Variants in FAM162A observed in about 807,000 individuals in gnomAD.
FAM162A encodes the protein protein FAM162A.
A neutral mutation model predicts 21.8 loss-of-function variants in FAM162A; 23 were observed. That is an observed-to-expected ratio of 1.05 (90% CI 0.76 to 1.49). FAM162A has a LOEUF of 1.49. Ranked by LOEUF, FAM162A falls within the 40% of genes most tolerant of loss-of-function variation. FAM162A has a pLI of 0.00. For missense variants in FAM162A, 165 were observed against 186.4 expected (o/e 0.89, Z 0.67); for synonymous variants, 53 against 61.3 (o/e 0.86, Z 0.64).
At position 122,387,062 on chromosome 3, in the gene FAM162A, C is replaced by G. The variant is rs373620764; in HGVS notation, c.34+2763C>G. On this transcript the variant is annotated intron_variant, in intron 1 of 4. Coordinates refer to ENST00000477892, the MANE Select transcript of FAM162A (RefSeq NM_014367.4). ...TTTTGTTTTTACTCAGTCCTTACCA[C>G]TTATTGGTGTTCAGTTCATAGTAGA... Among the ~76,000 whole-genome samples the G allele has an allele frequency of 6.6e-5, 10 of 152,288 alleles. 1 individual carries two copies. Among genetic ancestry groups the G allele is most frequent in the East Asian group, 3.9e-4 (2 of 5,192 alleles).
chr3:122,399,497 G>A (rs767440042), intron 1 of FAM162A, among the ~76,000 whole-genome samples: 4 of 151,980 alleles, frequency 2.6e-5, no homozygotes, highest in Non-Finnish European at 4.4e-5. Flanking sequence ...CCAGCCTAAA[G>A]AAAAGACCAC....
rs945875528 is a variant in FAM162A at position 122,384,197 on chromosome 3, G to A, written c.-69G>A. The stretch of plus-strand genomic sequence containing the variant: ...CGTCCTTCCCACTCCAACGCTGGGT[G>A]ACATTGAGCTCACCAGCGCCACCGT... On this transcript the variant is annotated 5_prime_UTR_variant, in exon 1 of 5. Coordinates refer to ENST00000477892, the MANE Select transcript of FAM162A (RefSeq NM_014367.4). The A allele has an allele frequency of 3.2e-6, 5 of 1,543,802 alleles. No homozygotes were observed. In the South Asian group the frequency reaches 6.0e-5, roughly 18 times the overall value.
intron 1 of FAM162A, among the ~76,000 whole-genome samples, chr3:122,391,196 T>C (rs888718495): frequency 2.0e-5 from 3 of 152,204 alleles, no homozygotes; most frequent in Non-Finnish European, 4.4e-5. Context: ...TAAAATTTTA[T>C]TTTATTTTAT....
chr3:122,391,022 G>C (rs920329057), intron 1 of FAM162A, among the ~76,000 whole-genome samples: 4 of 152,084 alleles, frequency 2.6e-5, no homozygotes, highest in African/African-American at 9.7e-5. Flanking sequence ...GAAAATTTCT[G>C]GCTTGGACGT....
intron 4 of FAM162A, chr3:122,407,595 C>T (rs1045577962): frequency 9.1e-5 from 45 of 493,894 alleles, no homozygotes; most frequent in Middle Eastern, 5.2e-4. Flanking sequence ...CTAACTTTGG[C>T]GTGGTGAAGA....
In FAM162A at chr3:122,409,926, A is replaced by G. The variant is rs747562668; in HGVS notation, c.*95A>G. 13 of 1,091,262 alleles carry G rather than the reference A, an allele frequency of 1.2e-5. No individual in the cohort carries two copies. The African/African-American group carries it at 2.0e-4, about 17-fold the overall frequency. 67.6% of individuals were successfully genotyped at this position (1,091,262 alleles called of 1,614,324 possible). ...GATGTGGTATGAGGATCCATTTCAT[A>G]AAGTATGATTTGCCCAAACCTGTAC... On this transcript the variant is annotated 3_prime_UTR_variant, in exon 5 of 5. Transcript: ENST00000477892.
intron 4 of FAM162A, among the ~76,000 whole-genome samples, chr3:122,409,456 A>G (rs2075693150): frequency 6.6e-6 from 1 of 152,192 alleles, no homozygotes; most frequent in African/African-American, 2.4e-5. Flanking sequence ...ATGAGAAGAA[A>G]GTATAAGAGA....
At chr3:122,405,684 C>T (rs1167235062) in intron 3 of FAM162A, among the ~76,000 whole-genome samples, 7 of 152,204 alleles carry the variant, frequency 4.6e-5, no homozygotes, top group Non-Finnish European at 1.5e-5. Flanking sequence ...TCACGAATCA[C>T]TCTGGAAGGG....
chr3:122,406,088 C>A (rs1218296302), intron 3 of FAM162A, among the ~76,000 whole-genome samples: 1 of 152,166 alleles, frequency 6.6e-6, no homozygotes, highest in Admixed American at 6.5e-5. Flanking sequence ...TTAAAGTACT[C>A]CCCTCCCCAA....
chr3:122,402,993 T>A, intron 2 of FAM162A, 111 bp downstream of exon 2: 1 of 1,192,596 alleles, frequency 8.4e-7, no homozygotes, highest in Non-Finnish European at 1.2e-6. Flanking sequence ...CCCTCCCATG[T>A]AGAGAGAACA....
At position 122,409,733 on chromosome 3, in the gene FAM162A, C is replaced by T; in HGVS notation, c.373-6C>T. 6.2e-7 allele frequency: 1 copy of T among 1,613,890 alleles called. No homozygotes were observed. The highest frequency in any genetic ancestry group is 1.1e-5 in the South Asian group (1 of 91,074). Reference sequence around the variant, plus strand: ...AAATCACCTGTTCAAATCTGTTTTGCTTTAGGCTGCCCAAAGACACGAGAC... The same window carrying T: ...AAATCACCTGTTCAAATCTGTTTTGTTTTAGGCTGCCCAAAGACACGAGAC... On this transcript the variant is annotated splice_polypyrimidine_tract_variant and splice_region_variant and intron_variant, in intron 4 of 4. Transcript: ENST00000477892.
At chr3:122,388,497 A>G (rs6767140) in intron 1 of FAM162A, among the ~76,000 whole-genome samples, 3,695 of 152,284 alleles carry the variant, frequency 0.024, 143 homozygotes, top group African/African-American at 0.085. Flanking sequence ...TTAAAACAGA[A>G]TGGAGGAGTC....
intron 4 of FAM162A, among the ~76,000 whole-genome samples, chr3:122,409,000 C>G (rs1490683222): frequency 6.6e-6 from 1 of 152,118 alleles, no homozygotes; most frequent in African/African-American, 2.4e-5. Context: ...CCATCAACTT[C>G]CCTTTCTCCC....
At chr3:122,388,388 C>T (rs6791616) in intron 1 of FAM162A, among the ~76,000 whole-genome samples, 34,865 of 151,990 alleles carry the variant, frequency 0.23, 5,346 homozygotes, top group African/African-American at 0.43. Context: ...GTTTAGGTGG[C>T]ACTGAGTTAT....
chr3:122,408,006 G>A (rs1382610043), intron 4 of FAM162A: 1 of 152,232 alleles, frequency 6.6e-6, no homozygotes, highest in Non-Finnish European at 1.5e-5. Context: ...ATTAGGACCT[G>A]ATTTATAGAT....
intron 3 of FAM162A, 22 bp from the exon 4 acceptor site, chr3:122,407,258 TC>T (rs2075680505): frequency 6.2e-7 from 1 of 1,602,376 alleles, no homozygotes; most frequent in Non-Finnish European, 8.5e-7. Flanking sequence ...TAACTTTCTC[TC>T]ATGATCTCAT....
At chr3:122,402,929 G>C in intron 2 of FAM162A, 47 bp downstream of exon 2, 1 of 1,551,254 alleles carries the variant, frequency 6.4e-7, no homozygotes, top group Non-Finnish European at 8.7e-7. Context: ...CTCCCAAAGA[G>C]TAGGAAAACT....
At chr3:122,394,469 C>CT (rs1192071615) in intron 1 of FAM162A, among the ~76,000 whole-genome samples, 1 of 152,166 alleles carries the variant, frequency 6.6e-6, no homozygotes, top group African/African-American at 2.4e-5. Flanking sequence ...AGACAGACCT[C>CT]TGTGGCCAAA....
chr3:122,409,013 C>G (rs570316789), intron 4 of FAM162A, among the ~76,000 whole-genome samples: 1 of 151,894 alleles, frequency 6.6e-6, no homozygotes, highest in Non-Finnish European at 1.5e-5. Context: ...TTTCTCCCCC[C>G]GCTCCCCCAC....
Sources: gnomAD v4.1 joint callset for allele counts (sites outside exome capture counted in the v4.1 genomes callset) on GRCh38, gnomAD v4.1.1 for gene constraint, MANE v1.5 for transcripts, NCBI Gene and HGNC (gene_info 2026-07-23, HGNC 2026-07-21) for gene names.